PRKCQ: variants seen among roughly 807,000 people sequenced by gnomAD.
The protein encoded by PRKCQ is protein kinase C theta.
In PRKCQ, 41 loss-of-function variants were observed where a neutral mutation model predicts 91.2. That is an observed-to-expected ratio of 0.45 (90% CI 0.35 to 0.58). The LOEUF (loss-of-function observed/expected upper bound fraction) is 0.58, where lower values mean the gene tolerates loss of function less well. Ranked by LOEUF, PRKCQ falls within the 20% of genes least tolerant of loss-of-function variation. The pLI, the probability that PRKCQ is intolerant of heterozygous loss-of-function variation, is 0.00. For synonymous variants in PRKCQ, 307 were observed against 316.9 expected (o/e 0.97, Z 0.33); for missense variants, 673 against 896.5 (o/e 0.75, Z 3.18).
intron 1 of PRKCQ, among the ~76,000 whole-genome samples, chr10:6,575,570 A>G (rs1210878539): frequency 6.6e-6 from 1 of 152,162 alleles, no homozygotes; most frequent in Non-Finnish European, 1.5e-5. Flanking sequence ...TGTGAGTTGT[A>G]TTTCCTCCAT....
At chr10:6,533,215 T>G (rs1438197117) in intron 1 of PRKCQ, among the ~76,000 whole-genome samples, 1 of 152,112 alleles carries the variant, frequency 6.6e-6, no homozygotes, top group African/African-American at 2.4e-5. Flanking sequence ...TCTATTTTTT[T>G]GAGATGGAGT....
chr10:6,489,257 C>A (rs1214209145), intron 8 of PRKCQ: 3 of 431,812 alleles, frequency 6.9e-6, no homozygotes, highest in African/African-American at 2.1e-5. Context: ...AGGTTGTCAG[C>A]TAGGATTGAA....
intron 16 of PRKCQ, among the ~76,000 whole-genome samples, chr10:6,432,978 C>T (rs569521795): frequency 6.6e-6 from 1 of 152,110 alleles, no homozygotes; most frequent in African/African-American, 2.4e-5. Context: ...GTGAAACTTT[C>T]TTTGATTACC....
At chr10:6,555,318 G>C (rs780975369) in intron 1 of PRKCQ, among the ~76,000 whole-genome samples, 7 of 151,814 alleles carry the variant, frequency 4.6e-5, no homozygotes, top group Non-Finnish European at 8.8e-5. Context: ...AGAAGGATCT[G>C]TTCATGTCAC....
chr10:6,491,637 C>T (rs1837308619), intron 8 of PRKCQ, 46 bp downstream of exon 8: 2 of 1,609,704 alleles, frequency 1.2e-6, no homozygotes, highest in Non-Finnish European at 1.7e-6. Flanking sequence ...TGCTCCATCC[C>T]CTAGGGGGTC....
the PRKCQ span, among the ~76,000 whole-genome samples, chr10:6,415,748 T>TC: frequency 0.019 from 432 of 22,766 alleles, 3 homozygotes; most frequent in East Asian, 0.064. Context: ...CTCTCTCTCT[T>TC]TTTTTTTTTT....
At chr10:6,483,686 T>C in intron 10 of PRKCQ, 86 bp from the exon 11 acceptor site, 1 of 1,480,652 alleles carries the variant, frequency 6.8e-7, no homozygotes. Flanking sequence ...TCTCTTCTAC[T>C]TCCCATGCTG....
At chr10:6,403,555 C>T in the PRKCQ span, among the ~76,000 whole-genome samples, 1 of 152,174 alleles carries the variant, frequency 6.6e-6, no homozygotes, top group East Asian at 1.9e-4. Flanking sequence ...TAAGATGAGA[C>T]CTTTGGTAAC....
At chr10:6,498,154 C>A (rs140905007) in intron 5 of PRKCQ, among the ~76,000 whole-genome samples, 204 of 152,082 alleles carry the variant, frequency 1.3e-3, no homozygotes, top group African/African-American at 4.0e-3. Context: ...AATAGCCCCC[C>A]CATTGAGGCA....
intron 1 of PRKCQ, among the ~76,000 whole-genome samples, chr10:6,547,415 G>A (rs1005133301): frequency 0.01 from 1,558 of 151,702 alleles, 24 homozygotes; most frequent in African/African-American, 0.036. Context: ...AAAAGAGCCC[G>A]CATCGCCAAG....
At chr10:6,431,651 C>T (rs1215131463) in intron 16 of PRKCQ, among the ~76,000 whole-genome samples, 1 of 152,176 alleles carries the variant, frequency 6.6e-6, no homozygotes, top group Admixed American at 6.5e-5. Flanking sequence ...ATCAATTATC[C>T]ATCACTCCAG....
intron 13 of PRKCQ, among the ~76,000 whole-genome samples, chr10:6,463,023 A>C (rs1406577574): frequency 2.0e-5 from 3 of 150,552 alleles, no homozygotes; most frequent in Non-Finnish European, 4.4e-5. Context: ...AAAAAAAAGT[A>C]ATAGTATAGA....
At chr10:6,450,343 A>G (rs1381276828) in intron 15 of PRKCQ, among the ~76,000 whole-genome samples, 1 of 136,282 alleles carries the variant, frequency 7.3e-6, no homozygotes, top group Non-Finnish European at 1.6e-5. Flanking sequence ...AGGCCATTAC[A>G]TAATGGTAAA....
At position 6,510,993 on chromosome 10, in the gene PRKCQ, A is replaced by T; in HGVS notation, c.318+2T>A. ...ATGTGCATACACTTTATGCAACGTT[A>T]CCCATATTTCTGTCTTCCCGTTGTT... On this transcript the variant is annotated splice_donor_variant, in intron 3 of 17. Coordinates refer to ENST00000263125, the MANE Select transcript of PRKCQ (RefSeq NM_006257.5). LOFTEE classifies it high-confidence loss of function. The T allele has an allele frequency of 6.2e-7, 1 of 1,614,034 alleles. No homozygotes were observed. Among genetic ancestry groups the T allele is most frequent in the Non-Finnish European group, 8.5e-7 (1 of 1,179,964 alleles).
At chr10:6,489,962 T>C (rs1432130548) in intron 8 of PRKCQ, among the ~76,000 whole-genome samples, 1 of 152,028 alleles carries the variant, frequency 6.6e-6, no homozygotes, top group Non-Finnish European at 1.5e-5. Flanking sequence ...GAACCCGACC[T>C]GAGACCATCA....
At position 6,517,588 on chromosome 10, in the gene PRKCQ, CTTTTTTTT is replaced by C. The variant is rs56306878; in HGVS notation, c.-9-2452_-9-2445del. On this transcript the variant is annotated intron_variant, in intron 1 of 17. Transcript: ENST00000263125. ...AAAAAATGCATCTTTAAGATAGCAT[CTTTTTTTT>C]TTTTTTTTTTTTTTTTTTTTTTTTT... Among the ~76,000 whole-genome samples the C allele has an allele frequency of 8.1e-5, 4 of 49,492 alleles. No homozygotes were observed. In the East Asian group the frequency reaches 2.1e-3, roughly 26 times the overall value. The allele number at this position is 49,492 out of a possible 152,430, so 32.5% of individuals were successfully genotyped here.
chr10:6,483,378 C>G (rs1436247550), intron 11 of PRKCQ, 62 bp downstream of exon 11: 7 of 1,598,660 alleles, frequency 4.4e-6, no homozygotes, highest in Non-Finnish European at 5.1e-6. Context: ...TTTCTTTGAC[C>G]AGGAACTTGG....
chr10:6,460,145 TGC>T (rs1835241498), intron 14 of PRKCQ, among the ~76,000 whole-genome samples: 1 of 152,240 alleles, frequency 6.6e-6, no homozygotes, highest in African/African-American at 2.4e-5. Flanking sequence ...AAGGGTCTCC[TGC>T]AACCTAATGA....
At chr10:6,409,743 T>A in the PRKCQ span, among the ~76,000 whole-genome samples, 6 of 152,352 alleles carry the variant, frequency 3.9e-5, no homozygotes, top group Non-Finnish European at 8.8e-5. Context: ...GGTTTTTTTT[T>A]TATAGCTTGG....
Sources: allele counts gnomAD v4.1 joint callset (sites outside exome capture counted in the v4.1 genomes callset), GRCh38; gene constraint gnomAD v4.1.1; transcripts MANE v1.5; gene names NCBI Gene and HGNC (gene_info 2026-07-23, HGNC 2026-07-21).